Variants in SGCD observed in about 807,000 individuals in gnomAD.
The protein encoded by SGCD is delta-sarcoglycan.
Under a neutral mutation model 36.6 loss-of-function variants are expected in SGCD, and 18 were observed. The ratio of observed to expected loss-of-function variants is 0.49; its 90% CI spans 0.34 to 0.73. The LOEUF is 0.73. Among genes scored for constraint, SGCD ranks in the 30% least tolerant of loss-of-function variants. SGCD has a pLI of 0.01. For missense variants in SGCD, 387 were observed against 346.7 expected (o/e 1.12, Z -0.92); for synonymous variants, 133 against 130.6 (o/e 1.02, Z -0.12).
chr5:156,667,067 C>G (rs554693545), intron 7 of SGCD, among the ~76,000 whole-genome samples: 1 of 152,258 alleles, frequency 6.6e-6, no homozygotes, highest in Admixed American at 6.5e-5. Flanking sequence ...ACATAAAGCT[C>G]AAAGGAAATA....
intron 1 of SGCD, among the ~76,000 whole-genome samples, chr5:155,960,371 A>G (rs1757767948): frequency 6.6e-6 from 1 of 152,076 alleles, no homozygotes. Context: ...GAGTAGGAGG[A>G]CGCCAATAGT....
chr5:156,669,466 A>G (rs17053736), intron 7 of SGCD, among the ~76,000 whole-genome samples: 11,190 of 152,278 alleles, frequency 0.073, 445 homozygotes, highest in South Asian at 0.11. Flanking sequence ...GATCACAGAG[A>G]GGTTGACAAA....
intron 1 of SGCD, among the ~76,000 whole-genome samples, chr5:156,047,461 T>A (rs1315493523): frequency 6.6e-6 from 1 of 152,108 alleles, no homozygotes; most frequent in African/African-American, 2.4e-5. Context: ...GGACAATGCA[T>A]CTGGTGACTA....
Position 156,676,632 on chromosome 5 carries a change from G to T in SGCD, c.575+29096G>T, listed in dbSNP as rs143547553. On this transcript the variant is annotated intron_variant, in intron 7 of 8. Coordinates refer to ENST00000337851, the MANE Select transcript of SGCD (RefSeq NM_000337.6). ...CTCCCACATCCCACCCAAAAACCTT[G>T]ATGAGCCCTGGGGATACAGCCTAGG... Among the ~76,000 whole-genome samples, 206 of 152,220 alleles carry T rather than the reference G, an allele frequency of 1.4e-3. 4 individuals carry two copies. The East Asian group carries it at 0.03, about 22-fold the overall frequency.
At chr5:156,500,690 C>T (rs936912882) in intron 3 of SGCD, among the ~76,000 whole-genome samples, 4 of 152,156 alleles carry the variant, frequency 2.6e-5, no homozygotes, top group East Asian at 1.9e-4. Flanking sequence ...CAACGACCAA[C>T]GTTTGCCTTT....
chr5:155,806,759 A>G, the SGCD span, among the ~76,000 whole-genome samples: 845 of 152,322 alleles, frequency 5.5e-3, 7 homozygotes, highest in Middle Eastern at 0.014. Flanking sequence ...AAAGACAGCA[A>G]TGAAATAATA....
the SGCD span, among the ~76,000 whole-genome samples, chr5:155,778,160 G>A: frequency 1.8e-4 from 28 of 152,152 alleles, no homozygotes; most frequent in Non-Finnish European, 4.0e-4. Flanking sequence ...TCAAAGAATA[G>A]CAAAACACAG....
chr5:156,529,511 C>CA (rs1198885257), intron 4 of SGCD, among the ~76,000 whole-genome samples: 202 of 136,246 alleles, frequency 1.5e-3, no homozygotes, highest in South Asian at 3.7e-3. Flanking sequence ...ATGTTGTTGG[C>CA]AAAAAAAAAA....
intron 1 of SGCD, among the ~76,000 whole-genome samples, chr5:155,910,966 G>T (rs1756616254): frequency 6.6e-6 from 1 of 152,028 alleles, no homozygotes; most frequent in African/African-American, 2.4e-5. Context: ...GCCTCATTTG[G>T]TATTTAGCTG....
At chr5:156,624,825 A>G (rs1432655868) in intron 6 of SGCD, among the ~76,000 whole-genome samples, 1 of 152,146 alleles carries the variant, frequency 6.6e-6, no homozygotes, top group East Asian at 1.9e-4. Flanking sequence ...AGAAAGGCCA[A>G]GTTTGAGTCA....
chr5:156,038,738 A>C (rs1052413582), intron 1 of SGCD, among the ~76,000 whole-genome samples: 14 of 152,308 alleles, frequency 9.2e-5, no homozygotes, highest in Middle Eastern at 6.8e-3. Flanking sequence ...TATGGGGATA[A>C]ACAGCCTTTC....
chr5:156,368,184 C>T (rs1339248886), intron 3 of SGCD, among the ~76,000 whole-genome samples: 2 of 151,964 alleles, frequency 1.3e-5, no homozygotes, highest in African/African-American at 2.4e-5. Flanking sequence ...CTCTGCCTCC[C>T]GGGTTCAAGC....
chr5:156,414,141 A>G (rs1233369728), intron 3 of SGCD, among the ~76,000 whole-genome samples: 2 of 152,204 alleles, frequency 1.3e-5, no homozygotes, highest in African/African-American at 4.8e-5. Context: ...AAATTAAAAT[A>G]CTTAAAGTAG....
chr5:155,892,239 C>T (rs1378582818), intron 1 of SGCD, among the ~76,000 whole-genome samples: 4 of 151,892 alleles, frequency 2.6e-5, no homozygotes, highest in Admixed American at 6.6e-5. Context: ...GGGTGGATCA[C>T]GAGGTCAGGA....
rs189768431 is a variant in SGCD at position 156,198,099 on chromosome 5, T to A, written c.-44+74080T>A. 6.1e-4 allele frequency among the ~76,000 whole-genome samples: 93 copies of A among 152,276 alleles called. 1 individual carries two copies. Among genetic ancestry groups the A allele is most frequent in the African/African-American group, 2.2e-3 (92 of 41,560 alleles). ...TTAAAATTCAGTTAGATATTTCTAA[T>A]GTTGAGCCATCTATCTGTTCTTTTC... On this transcript the variant is annotated intron_variant, in intron 3 of 9. Transcript: ENST00000517913.
chr5:156,460,822 T>C lies in SGCD; in HGVS notation c.193-47779T>C, dbSNP rs761662576. Among the ~76,000 whole-genome samples the C allele has an allele frequency of 2.5e-4, 38 of 152,166 alleles. 1 individual carries two copies. Among genetic ancestry groups the C allele is most frequent in the Non-Finnish European group, 3.1e-4 (21 of 68,018 alleles). On this transcript the variant is annotated intron_variant, in intron 3 of 8. Transcript: ENST00000337851. ...CTAACCAAATAAGTTTTCAAAACAC[T>C]GAGGTGAAGTTAAACAGATCACATT...
At chr5:156,612,310 G>A (rs1378483576) in intron 6 of SGCD, among the ~76,000 whole-genome samples, 1 of 152,220 alleles carries the variant, frequency 6.6e-6, no homozygotes, top group East Asian at 1.9e-4. Flanking sequence ...CAGTAACATA[G>A]CCTCTGTGCA....
intron 3 of SGCD, among the ~76,000 whole-genome samples, chr5:156,163,805 G>A (rs995095170): frequency 4.0e-5 from 6 of 151,344 alleles, no homozygotes; most frequent in Non-Finnish European, 8.8e-5. Context: ...TGGATCACAA[G>A]GTCAGGAGAT....
intron 7 of SGCD, among the ~76,000 whole-genome samples, chr5:156,722,240 C>T (rs969926997): frequency 3.9e-5 from 6 of 152,172 alleles, no homozygotes; most frequent in Non-Finnish European, 7.3e-5. Context: ...TCTCAAATTG[C>T]ATCTCCCAAT....
Sources: allele counts gnomAD v4.1 joint callset (sites outside exome capture counted in the v4.1 genomes callset), GRCh38; gene constraint gnomAD v4.1.1; transcripts MANE v1.5; gene names NCBI Gene and HGNC (gene_info 2026-07-23, HGNC 2026-07-21).